Variants in ELOVL6 observed in about 807,000 individuals in gnomAD.
The protein encoded by ELOVL6 is ELOVL fatty acid elongase 6.
A neutral mutation model predicts 31.7 loss-of-function variants in ELOVL6; 8 were observed. That is an observed-to-expected ratio of 0.25 (90% CI 0.15 to 0.45). The LOEUF (loss-of-function observed/expected upper bound fraction) is 0.45, where lower values mean the gene tolerates loss of function less well. Ranked by LOEUF, ELOVL6 falls within the 20% of genes least tolerant of loss-of-function variation. The pLI is 1.00. For missense variants in ELOVL6, 126 were observed against 326.4 expected (o/e 0.39, Z 4.73); for synonymous variants, 101 against 117.7 (o/e 0.86, Z 0.92).
At position 110,182,725 on chromosome 4, in the gene ELOVL6, A is replaced by G. The variant is rs556384786; in HGVS notation, c.89+15522T>C. 1.4e-4 allele frequency among the ~76,000 whole-genome samples: 22 copies of G among 152,278 alleles called. No homozygotes were observed. In the South Asian group the frequency reaches 4.6e-3, roughly 32 times the overall value. Reference sequence around the variant, plus strand: ...GTAGTTCGAGACCAGCCTGACCAACATGGAGAAACTCCGTCTCTACTAAAA... The same window carrying G: ...GTAGTTCGAGACCAGCCTGACCAACGTGGAGAAACTCCGTCTCTACTAAAA... On this transcript the variant is annotated intron_variant, in intron 1 of 3. Transcript: ENST00000302274.
intron 3 of ELOVL6, among the ~76,000 whole-genome samples, chr4:110,052,631 G>A (rs1394838469): frequency 6.6e-6 from 1 of 152,168 alleles, no homozygotes; most frequent in Non-Finnish European, 1.5e-5. Flanking sequence ...ATTATGCTGA[G>A]GTGGGTAGAT....
At chr4:110,155,899 A>C (rs1758401068) in intron 1 of ELOVL6, among the ~76,000 whole-genome samples, 1 of 152,252 alleles carries the variant, frequency 6.6e-6, no homozygotes, top group Non-Finnish European at 1.5e-5. Flanking sequence ...CGGGAAGCAC[A>C]GCTCATGTTG....
At chr4:110,079,230 C>A (rs1013167225) in intron 2 of ELOVL6, among the ~76,000 whole-genome samples, 1 of 152,174 alleles carries the variant, frequency 6.6e-6, no homozygotes, top group Non-Finnish European at 1.5e-5. Context: ...CGGCTCTGCA[C>A]CAAGTGGACC....
At chr4:110,138,500 A>G (rs1228993975) in intron 1 of ELOVL6, among the ~76,000 whole-genome samples, 1 of 152,218 alleles carries the variant, frequency 6.6e-6, no homozygotes, top group Non-Finnish European at 1.5e-5. Flanking sequence ...TAGAGCATCA[A>G]AGAGACGGTG....
chr4:110,151,380 A>T (rs1758276263), intron 1 of ELOVL6, among the ~76,000 whole-genome samples: 1 of 152,142 alleles, frequency 6.6e-6, no homozygotes, highest in South Asian at 2.1e-4. Context: ...GCATTAAACA[A>T]AGTTTTGTCT....
At chr4:110,080,455 G>A (rs55716054) in intron 2 of ELOVL6, among the ~76,000 whole-genome samples, 37,704 of 151,968 alleles carry the variant, frequency 0.25, 4,865 homozygotes, top group Non-Finnish European at 0.29. Context: ...ATCAGTAAAC[G>A]TAATCCAGGC....
chr4:110,106,901 C>T (rs562463378), intron 1 of ELOVL6, among the ~76,000 whole-genome samples: 23 of 152,248 alleles, frequency 1.5e-4, no homozygotes, highest in Admixed American at 3.9e-4. Flanking sequence ...TATAATAGAA[C>T]TATGATTCGA....
At chr4:110,086,831 C>A (rs1171115596) in intron 2 of ELOVL6, among the ~76,000 whole-genome samples, 1 of 152,096 alleles carries the variant, frequency 6.6e-6, no homozygotes, top group Non-Finnish European at 1.5e-5. Context: ...GAAAATACCT[C>A]CCTATGCGAC....
Position 110,048,350 on chromosome 4 carries a change from C to CT in ELOVL6, c.*2987dup, listed in dbSNP as rs1754751714. The CT allele has an allele frequency of 6.6e-6, 1 of 152,196 alleles. No homozygotes were observed. The highest frequency in any genetic ancestry group is 1.5e-5 in the Non-Finnish European group (1 of 68,038). The allele number at this position is 152,196 out of a possible 1,614,324, so 9.4% of individuals were successfully genotyped here. A position where few individuals can be genotyped will look rare whatever the true frequency, so the allele number is the denominator to read the frequency against. ...TAGAACTTCATTGCAAACTCATGGA[C>CT]TTGGCTTGATGCTCAGACCTAGTGT... On this transcript the variant is annotated 3_prime_UTR_variant, in exon 4 of 4. Transcript: ENST00000302274.
intron 1 of ELOVL6, among the ~76,000 whole-genome samples, chr4:110,124,803 G>A (rs529091678): frequency 6.6e-6 from 1 of 151,950 alleles, no homozygotes; most frequent in African/African-American, 2.4e-5. Flanking sequence ...AGTTCTTGAA[G>A]AAACTGCCAG....
chr4:110,122,385 TC>T (rs1757380305), intron 1 of ELOVL6, among the ~76,000 whole-genome samples: 1 of 152,186 alleles, frequency 6.6e-6, no homozygotes, highest in African/African-American at 2.4e-5. Flanking sequence ...AAAATGCTTT[TC>T]TTTTTTTGTG....
intron 1 of ELOVL6, among the ~76,000 whole-genome samples, chr4:110,129,722 G>C (rs1757612332): frequency 6.6e-6 from 1 of 152,144 alleles, no homozygotes; most frequent in Admixed American, 6.5e-5. Context: ...ACATGAGAAA[G>C]ACAATGAAGT....
intron 1 of ELOVL6, among the ~76,000 whole-genome samples, chr4:110,142,066 C>CTTTTT (rs34800709): frequency 1.3e-5 from 1 of 74,350 alleles, no homozygotes; most frequent in Non-Finnish European, 2.4e-5. Flanking sequence ...CCCTTACTAA[C>CTTTTT]TTTTTTTTTT....
At position 110,061,807 on chromosome 4, in the gene ELOVL6, C is replaced by A. The variant is rs186490236; in HGVS notation, c.222-2053G>T. 7.5e-4 allele frequency among the ~76,000 whole-genome samples: 114 copies of A among 152,124 alleles called. 4 individuals carry two copies. The South Asian group carries it at 0.011, about 14-fold the overall frequency. On this transcript the variant is annotated intron_variant, in intron 2 of 3. Coordinates refer to ENST00000302274, the MANE Select transcript of ELOVL6 (RefSeq NM_024090.3). ...TCCTGACCTCGTGATCCACCTGCCT[C>A]GGCCTCCCAAAGTGCTGGGGTATAG... is the stretch of plus-strand genomic sequence containing the variant.
intron 1 of ELOVL6, among the ~76,000 whole-genome samples, chr4:110,163,903 T>A (rs574184624): frequency 6.6e-6 from 1 of 152,340 alleles, no homozygotes; most frequent in Admixed American, 6.5e-5. Context: ...TGGGTAAATC[T>A]GAGTCATAGT....
intron 1 of ELOVL6, among the ~76,000 whole-genome samples, chr4:110,143,963 AG>A (rs1758035670): frequency 6.6e-6 from 1 of 150,470 alleles, no homozygotes; most frequent in African/African-American, 2.4e-5. Flanking sequence ...CTGAGGCAGG[AG>A]AAACACTTGA....
At chr4:110,103,211 C>T (rs570044401) in intron 2 of ELOVL6, among the ~76,000 whole-genome samples, 2 of 152,104 alleles carry the variant, frequency 1.3e-5, no homozygotes, top group African/African-American at 4.8e-5. Context: ...AGCATGAAAA[C>T]GAACTAATAC....
intron 1 of ELOVL6, among the ~76,000 whole-genome samples, chr4:110,191,799 A>C (rs1189504839): frequency 6.6e-6 from 1 of 152,074 alleles, no homozygotes; most frequent in East Asian, 1.9e-4. Flanking sequence ...CTCAAAAAAA[A>C]GAAAAGAAAA....
At chr4:110,143,343 T>A (rs1465786736) in intron 1 of ELOVL6, among the ~76,000 whole-genome samples, 1 of 152,124 alleles carries the variant, frequency 6.6e-6, no homozygotes, top group Admixed American at 6.6e-5. Context: ...ATGTATAATA[T>A]TTATCATCCA....
Sources: gnomAD v4.1 joint callset for allele counts (sites outside exome capture counted in the v4.1 genomes callset) on GRCh38, gnomAD v4.1.1 for gene constraint, MANE v1.5 for transcripts, NCBI Gene and HGNC (gene_info 2026-07-23, HGNC 2026-07-21) for gene names.